The following COL13A1 variants were observed in gnomAD, a reference collection of about 807,000 sequenced individuals.
The protein encoded by COL13A1 is collagen type XIII alpha 1 chain, also known as collagen alpha-1(XIII) chain.
A neutral mutation model predicts 130.9 loss-of-function variants in COL13A1; 89 were observed. The observed-to-expected ratio is 0.68, with a 90% CI of 0.57 to 0.81. COL13A1 has a LOEUF of 0.81. Among genes scored for constraint, COL13A1 ranks in the 30% least tolerant of loss-of-function variants. The pLI, the probability that COL13A1 is intolerant of heterozygous loss-of-function variation, is 0.00. For missense variants in COL13A1, 879 were observed against 934.6 expected (o/e 0.94, Z 0.78); for synonymous variants, 402 against 341.6 (o/e 1.18, Z -1.95).
intron 2 of COL13A1, chr10:69,829,299 T>C (rs951272855): frequency 1.0e-6 from 1 of 980,834 alleles, no homozygotes; most frequent in African/African-American, 1.7e-5. Flanking sequence ...ATTTTTAACA[T>C]TGATGTATAA....
chr10:69,941,312 G>T (rs1208758950), intron 35 of COL13A1, among the ~76,000 whole-genome samples: 1 of 152,210 alleles, frequency 6.6e-6, no homozygotes, highest in East Asian at 1.9e-4. Context: ...GATTCCACAG[G>T]AATGCTGAGT....
chr10:69,848,709 A>G (rs945471885), intron 2 of COL13A1, among the ~76,000 whole-genome samples: 2 of 152,196 alleles, frequency 1.3e-5, no homozygotes, highest in African/African-American at 4.8e-5. Flanking sequence ...AGGCAAAGGG[A>G]CAAGGATGCT....
At chr10:69,816,873 G>A (rs919545583) in intron 1 of COL13A1, among the ~76,000 whole-genome samples, 3 of 152,210 alleles carry the variant, frequency 2.0e-5, no homozygotes, top group African/African-American at 7.2e-5. Flanking sequence ...CAGGAGAGAC[G>A]TAGGAGGCAG....
rs1306116958 is a variant in COL13A1, at chr10:69,920,616, C to T, written c.1089+889C>T. On this transcript the variant is annotated intron_variant, in intron 21 of 40. Transcript: ENST00000645393. ...TTTGAGAGACCGTTCTCCCTCTCTG[C>T]CTTGTGAGAACACGGCAAGAAAGCT... is the stretch of plus-strand genomic sequence containing the variant. Among the ~76,000 whole-genome samples the T allele has an allele frequency of 2.0e-5, 3 of 152,198 alleles. No individual in the cohort carries two copies. The East Asian group carries it at 5.8e-4, about 29-fold the overall frequency.
chr10:69,922,902 C>T (rs1334125503), intron 23 of COL13A1, 108 bp downstream of exon 23: 2 of 680,810 alleles, frequency 2.9e-6, no homozygotes, highest in Non-Finnish European at 4.7e-6. Context: ...CTCTAGCCTT[C>T]CCCTGCTCCA....
At chr10:69,876,307 C>T (rs1034897984) in intron 5 of COL13A1, among the ~76,000 whole-genome samples, 57 of 152,198 alleles carry the variant, frequency 3.7e-4, no homozygotes, top group African/African-American at 1.3e-3. Flanking sequence ...TCCAAACCTG[C>T]GCTCTTGATC....
intron 31 of COL13A1, among the ~76,000 whole-genome samples, chr10:69,934,879 C>T (rs967541938): frequency 6.6e-6 from 1 of 152,312 alleles, no homozygotes; most frequent in East Asian, 1.9e-4. Flanking sequence ...GGGTCTCAAA[C>T]TCAAATGTCT....
chr10:69,885,580 T>G (rs2985536), intron 7 of COL13A1, among the ~76,000 whole-genome samples: 147,623 of 152,294 alleles, frequency 0.97, 71,694 homozygotes, highest in East Asian at 1. Context: ...TTGGAGACAT[T>G]CATCCTGCTA....
At chr10:69,804,020 C>T (rs959251889) in intron 1 of COL13A1, among the ~76,000 whole-genome samples, 1 of 152,130 alleles carries the variant, frequency 6.6e-6, no homozygotes, top group Non-Finnish European at 1.5e-5. Flanking sequence ...ACAGGGCAAG[C>T]GTACTGGTGC....
At chr10:69,922,601 C>A (rs1224978128) in intron 22 of COL13A1, 107 bp from the exon 23 acceptor site, 7 of 645,690 alleles carry the variant, frequency 1.1e-5, no homozygotes, top group African/African-American at 1.9e-5. Context: ...ATTCTGAAGG[C>A]CCCTGGTCCC....
intron 33 of COL13A1, 94 bp downstream of exon 33, chr10:69,936,876 A>C (rs1252951260): frequency 6.8e-7 from 1 of 1,481,220 alleles, no homozygotes; most frequent in Non-Finnish European, 9.4e-7. Flanking sequence ...CCTAGAAGGC[A>C]TTAGGTGACA....
At chr10:69,929,795 G>A (rs146519993) in intron 28 of COL13A1, among the ~76,000 whole-genome samples, 27 of 152,300 alleles carry the variant, frequency 1.8e-4, no homozygotes, top group Non-Finnish European at 2.9e-4. Flanking sequence ...GAGCCAGAGC[G>A]CCCAGACTGG....
At chr10:69,929,125 C>A in intron 28 of COL13A1, 126 bp downstream of exon 28, 1 of 734,970 alleles carries the variant, frequency 1.4e-6, no homozygotes, top group African/African-American at 1.8e-5. Context: ...CTCCAAGGCA[C>A]CAGGGGACCC....
chr10:69,895,696 C>A, intron 13 of COL13A1, 120 bp downstream of exon 13: 2 of 1,080,472 alleles, frequency 1.9e-6, no homozygotes, highest in Non-Finnish European at 2.8e-6. Flanking sequence ...AGCAGGAGCA[C>A]CCACTGCCCT....
At chr10:69,927,730 A>G (rs1316271085) in intron 27 of COL13A1, among the ~76,000 whole-genome samples, 1 of 152,202 alleles carries the variant, frequency 6.6e-6, no homozygotes, top group Non-Finnish European at 1.5e-5. Context: ...ATATTTTTTC[A>G]TGGCTGTGAG....
At chr10:69,862,312 G>A (rs180820769) in intron 2 of COL13A1, among the ~76,000 whole-genome samples, 4 of 152,128 alleles carry the variant, frequency 2.6e-5, no homozygotes, top group African/African-American at 9.7e-5. Flanking sequence ...GTTGGGTTGT[G>A]GTGAACTGTG....
At position 69,879,743 on chromosome 10, in the gene COL13A1, C is replaced by T. The variant is rs368492819; in HGVS notation, c.463-760C>T. Among the ~76,000 whole-genome samples, 53 of 152,306 alleles carry T rather than the reference C, an allele frequency of 3.5e-4. No individual in the cohort carries two copies. In the South Asian group the frequency reaches 0.01, roughly 29 times the overall value. On this transcript the variant is annotated intron_variant, in intron 6 of 40. Coordinates refer to ENST00000645393, the MANE Select transcript of COL13A1 (RefSeq NM_001368882.1). ...TTGAACTTAGGGACACACACACGCA[C>T]ACATGGCACTTGTCTAGCTAGCTCA...
chr10:69,801,974 C>T lies in COL13A1; in HGVS notation c.-450C>T, dbSNP rs1212778494. The T allele has an allele frequency of 1.9e-5, 3 of 159,140 alleles. No homozygotes were observed. Among genetic ancestry groups the T allele is most frequent in the Non-Finnish European group, 4.1e-5 (3 of 73,110 alleles). The allele number at this position is 159,140 out of a possible 1,614,324, so 9.9% of individuals were successfully genotyped here. ...CGCCGGAATCGGCCCCTGCGCTCCT[C>T]GCCAGCCGCCACGACCCACCTCTGC... On this transcript the variant is annotated 5_prime_UTR_variant, in exon 1 of 41. Transcript: ENST00000645393.
intron 33 of COL13A1, 111 bp downstream of exon 33, chr10:69,936,893 C>G: frequency 8.1e-7 from 1 of 1,230,152 alleles, no homozygotes. Flanking sequence ...GACACTCCAG[C>G]CAAGGGGGTC....
Sources: gnomAD v4.1 joint callset for allele counts (sites outside exome capture counted in the v4.1 genomes callset) on GRCh38, gnomAD v4.1.1 for gene constraint, MANE v1.5 for transcripts, NCBI Gene and HGNC (gene_info 2026-07-23, HGNC 2026-07-21) for gene names.